MACROD2: variants seen among roughly 807,000 people sequenced by gnomAD.
MACROD2 encodes ADP-ribose glycohydrolase MACROD2.
MACROD2 carries 36 observed loss-of-function variants against 70.4 expected under a neutral mutation model. The observed-to-expected ratio is 0.51, with a 90% CI of 0.39 to 0.68. The LOEUF is 0.68. MACROD2 is among the 30% of genes least tolerant of loss of function. The pLI, the probability that MACROD2 is intolerant of heterozygous loss-of-function variation, is 0.00. For missense variants in MACROD2, 496 were observed against 538.4 expected (o/e 0.92, Z 0.78); for synonymous variants, 172 against 178.8 (o/e 0.96, Z 0.30).
At chr20:15,138,542 T>C (rs866722679) in intron 5 of MACROD2, among the ~76,000 whole-genome samples, 15 of 152,198 alleles carry the variant, frequency 9.9e-5, no homozygotes, top group African/African-American at 3.6e-4. Context: ...TCTTATTTGC[T>C]CAGCTAGATT....
chr20:15,625,088 G>A (rs147361025), intron 8 of MACROD2, among the ~76,000 whole-genome samples: 12 of 152,272 alleles, frequency 7.9e-5, no homozygotes, highest in Middle Eastern at 3.4e-3. Flanking sequence ...TATATGGAAT[G>A]TCAGCAAAAG....
intron 5 of MACROD2, among the ~76,000 whole-genome samples, chr20:14,806,310 G>A (rs574737220): frequency 6.6e-6 from 1 of 152,216 alleles, no homozygotes; most frequent in East Asian, 1.9e-4. Flanking sequence ...AGGGCGACCA[G>A]AAGCAGGGTG....
chr20:15,265,517 C>G (rs1188389319), intron 6 of MACROD2, among the ~76,000 whole-genome samples: 2 of 152,170 alleles, frequency 1.3e-5, no homozygotes, highest in Non-Finnish European at 2.9e-5. Flanking sequence ...AGGGTGTTAT[C>G]ATGTGACTCA....
chr20:15,218,207 C>G (rs966585125), intron 5 of MACROD2, among the ~76,000 whole-genome samples: 3 of 152,182 alleles, frequency 2.0e-5, no homozygotes, highest in African/African-American at 7.2e-5. Context: ...AACTCACACC[C>G]CAATTCTATT....
chr20:15,638,789 G>A (rs1204246494), intron 8 of MACROD2, among the ~76,000 whole-genome samples: 3 of 152,158 alleles, frequency 2.0e-5, no homozygotes, highest in Non-Finnish European at 2.9e-5. Context: ...GGGGCCAGGT[G>A]GTTAACTTTT....
intron 5 of MACROD2, among the ~76,000 whole-genome samples, chr20:14,946,245 G>A (rs2074431401): frequency 6.6e-6 from 1 of 152,014 alleles, no homozygotes; most frequent in Non-Finnish European, 1.5e-5. Context: ...GAATGTTGTG[G>A]AATAAATGCA....
chr20:14,727,776 C>T (rs1600593965), intron 5 of MACROD2, among the ~76,000 whole-genome samples: 1 of 152,142 alleles, frequency 6.6e-6, no homozygotes, highest in Admixed American at 6.5e-5. Flanking sequence ...GATATTCCAC[C>T]TTTAGGGAAA....
At chr20:14,760,692 G>T (rs1365953655) in intron 5 of MACROD2, among the ~76,000 whole-genome samples, 1 of 151,920 alleles carries the variant, frequency 6.6e-6, no homozygotes, top group Non-Finnish European at 1.5e-5. Context: ...TGAGTTATCT[G>T]CTATCCCTCC....
chr20:15,363,217 G>A (rs903510432), intron 6 of MACROD2, among the ~76,000 whole-genome samples: 7 of 152,198 alleles, frequency 4.6e-5, no homozygotes, highest in Non-Finnish European at 8.8e-5. Context: ...GGAGACAAGT[G>A]ACCATCTGCT....
chr20:14,048,552 T>C (rs1316609067), intron 2 of MACROD2, among the ~76,000 whole-genome samples: 1 of 152,194 alleles, frequency 6.6e-6, no homozygotes, highest in Non-Finnish European at 1.5e-5. Context: ...GTTTCAGTAT[T>C]ACGACCCTAA....
intron 5 of MACROD2, among the ~76,000 whole-genome samples, chr20:15,210,333 C>T (rs754833565): frequency 6.6e-6 from 1 of 152,170 alleles, no homozygotes; most frequent in Non-Finnish European, 1.5e-5. Context: ...TTTCCAGTAG[C>T]ACTAAAAACA....
chr20:14,048,700 TTGGAA>T (rs1254197286), intron 2 of MACROD2, among the ~76,000 whole-genome samples: 1 of 152,070 alleles, frequency 6.6e-6, no homozygotes, highest in African/African-American at 2.4e-5. Flanking sequence ...ATGAAATGAA[TTGGAA>T]TGGAGAATTT....
At chr20:15,419,397 A>G (rs975518271) in intron 6 of MACROD2, among the ~76,000 whole-genome samples, 1 of 152,164 alleles carries the variant, frequency 6.6e-6, no homozygotes, top group South Asian at 2.1e-4. Flanking sequence ...GGGGCGTATC[A>G]TGGACAGGGG....
intron 6 of MACROD2, among the ~76,000 whole-genome samples, chr20:15,327,831 A>G (rs1377997268): frequency 6.6e-6 from 1 of 151,864 alleles, no homozygotes; most frequent in Non-Finnish European, 1.5e-5. Context: ...TCCAGCCCTT[A>G]CTCTCAACCT....
At chr20:14,493,611 T>C in intron 4 of MACROD2, 103 bp downstream of exon 4, 1 of 902,786 alleles carries the variant, frequency 1.1e-6, no homozygotes, top group Non-Finnish European at 1.8e-6. Flanking sequence ...TTAATTTTGC[T>C]GTAGTCATCA....
chr20:15,898,612 C>G (rs1444654175), intron 10 of MACROD2, among the ~76,000 whole-genome samples: 1 of 148,092 alleles, frequency 6.8e-6, no homozygotes, highest in Non-Finnish European at 1.5e-5. Flanking sequence ...AATCAGAAAC[C>G]TGAAGTGGGG....
intron 2 of MACROD2, among the ~76,000 whole-genome samples, chr20:14,009,616 G>A (rs1217729503): frequency 2.0e-5 from 3 of 152,100 alleles, no homozygotes; most frequent in African/African-American, 7.2e-5. Context: ...ATTACTGGGT[G>A]TATACACCCA....
intron 6 of MACROD2, among the ~76,000 whole-genome samples, chr20:15,429,830 A>G (rs2046342584): frequency 6.6e-6 from 1 of 152,044 alleles, no homozygotes; most frequent in African/African-American, 2.4e-5. Flanking sequence ...TGTTACATGA[A>G]TATACTGTGT....
At position 15,824,269 on chromosome 20, in the gene MACROD2, G is replaced by GT. The variant is rs200297067; in HGVS notation, c.646-38475dup. 8.6e-4 allele frequency among the ~76,000 whole-genome samples: 131 copies of GT among 152,192 alleles called. 2 individuals carry two copies. In the East Asian group the frequency reaches 0.023, roughly 27 times the overall value. On this transcript the variant is annotated intron_variant, in intron 8 of 17. Transcript: ENST00000684519. ...TCTCTCTCTCTCTCTGTGTGCGTGTGTGTGTTTGTGTATGTGAATGTGTGT... is the reference window on the plus strand; with the variant it reads ...TCTCTCTCTCTCTCTGTGTGCGTGTGTTGTGTTTGTGTATGTGAATGTGTGT...
Sources: gnomAD v4.1 joint callset for allele counts (sites outside exome capture counted in the v4.1 genomes callset) on GRCh38, gnomAD v4.1.1 for gene constraint, MANE v1.5 for transcripts, NCBI Gene and HGNC (gene_info 2026-07-23, HGNC 2026-07-21) for gene names.